The following HGD variants were observed in gnomAD, a reference collection of about 807,000 sequenced individuals.
The protein encoded by HGD is homogentisate oxidase.
In HGD, 61 loss-of-function variants were observed where a neutral mutation model predicts 60.8. The observed-to-expected ratio is 1.00, with a 90% CI of 0.82 to 1.24. The LOEUF (loss-of-function observed/expected upper bound fraction) is 1.24, where lower values mean the gene tolerates loss of function less well. HGD is among the 50% of genes most tolerant of loss of function. HGD has a pLI of 0.00. For missense variants in HGD, 542 were observed against 547.1 expected (o/e 0.99, Z 0.09); for synonymous variants, 212 against 187.7 (o/e 1.13, Z -1.06).
chr3:120,636,100 G>C (rs899295599), intron 12 of HGD, among the ~76,000 whole-genome samples: 1 of 133,528 alleles, frequency 7.5e-6, no homozygotes, highest in Non-Finnish European at 1.6e-5. Flanking sequence ...GCAAGACCCC[G>C]TCTGTACTAA....
chr3:120,633,820 A>C (rs1940669599), intron 12 of HGD, among the ~76,000 whole-genome samples: 1 of 152,198 alleles, frequency 6.6e-6, no homozygotes, highest in African/African-American at 2.4e-5. Context: ...TGGATGATAG[A>C]TGATAATGTA....
Position 120,638,466 on chromosome 3 carries a change from G to T in HGD, c.995C>A (p.Pro332His). Residue 332 changes from proline (P) to histidine (H), a missense_variant, in exon 12 of 14, where the codon CCT becomes CAT. Coordinates refer to ENST00000283871, the MANE Select transcript of HGD (RefSeq NM_000187.4). The stretch of plus-strand genomic sequence containing the variant: ...AAAGAGAGACTTACTATGGTAATAA[G>T]GAGGCCTGAAGGTCTTATCAGCAAC... ...WGVADKTFRP[P>H]YYHRNCMSEF... 6.2e-7 allele frequency: 1 copy of T among 1,613,928 alleles called. No individual in the cohort carries two copies. The highest frequency in any genetic ancestry group is 8.5e-7 in the Non-Finnish European group (1 of 1,179,908).
At position 120,659,035 on chromosome 3, in the gene HGD, A is replaced by G. The variant is rs370103618; in HGVS notation, c.283-6384T>C. 1.5e-3 allele frequency among the ~76,000 whole-genome samples: 230 copies of G among 152,302 alleles called. 1 individual carries two copies. Among genetic ancestry groups the G allele is most frequent in the African/African-American group, 5.5e-3 (227 of 41,582 alleles). On this transcript the variant is annotated intron_variant, in intron 4 of 13. Transcript: ENST00000283871. ...GGCCTGTGATGGGATGAACTGCCCCAAAGGTCTGTGAAATGCCTTTGAGGC... is the reference window on the plus strand; with the variant it reads ...GGCCTGTGATGGGATGAACTGCCCCGAAGGTCTGTGAAATGCCTTTGAGGC...
chr3:120,656,565 G>GC (rs964722153), intron 4 of HGD, among the ~76,000 whole-genome samples: 11 of 150,694 alleles, frequency 7.3e-5, no homozygotes, highest in Admixed American at 2.6e-4. Flanking sequence ...CTTTTTTTTG[G>GC]GGGGGGGTTG....
At chr3:120,671,047 A>G (rs1275426755) in intron 3 of HGD, among the ~76,000 whole-genome samples, 4 of 152,222 alleles carry the variant, frequency 2.6e-5, no homozygotes, top group African/African-American at 9.6e-5. Flanking sequence ...GGTAAAAATA[A>G]TTCAAGTAAT....
At chr3:120,629,978 C>A (rs1444753667) in intron 13 of HGD, among the ~76,000 whole-genome samples, 1 of 152,098 alleles carries the variant, frequency 6.6e-6, no homozygotes, top group Non-Finnish European at 1.5e-5. Flanking sequence ...TATACACCAA[C>A]AACAGTCAAG....
At chr3:120,672,280 C>T (rs755146919) in intron 3 of HGD, among the ~76,000 whole-genome samples, 30 of 152,120 alleles carry the variant, frequency 2.0e-4, no homozygotes, top group Non-Finnish European at 3.8e-4. Context: ...CTACCAGGAC[C>T]AGATCTCAGG....
At chr3:120,681,738 C>A (rs1708233808) in intron 1 of HGD, among the ~76,000 whole-genome samples, 1 of 152,122 alleles carries the variant, frequency 6.6e-6, no homozygotes, top group Non-Finnish European at 1.5e-5. Flanking sequence ...CGGAAGTGGT[C>A]CATGAGGCTG....
At chr3:120,646,415 G>T in intron 8 of HGD, 49 bp from the exon 9 acceptor site, 1 of 1,233,388 alleles carries the variant, frequency 8.1e-7, no homozygotes, top group Non-Finnish European at 1.2e-6. Flanking sequence ...CACAGCTGTA[G>T]TTATAAAGAA....
Position 120,673,746 on chromosome 3 carries a change from A to C in HGD, c.176+1155T>G, listed in dbSNP as rs1708071096. Among the ~76,000 whole-genome samples, 3 of 152,216 alleles carry C rather than the reference A, an allele frequency of 2.0e-5. No homozygotes were observed. The South Asian group carries it at 6.2e-4, about 32-fold the overall frequency. ...TCTGCTATGATGGCAATACTTAATG[A>C]TAGTTATCATGACAATAACTAGCAT... On this transcript the variant is annotated intron_variant, in intron 3 of 13. Transcript: ENST00000283871.
At chr3:120,644,270 C>T (rs1398799789) in intron 10 of HGD, 49 bp downstream of exon 10, 2 of 1,610,832 alleles carry the variant, frequency 1.2e-6, no homozygotes, top group Admixed American at 3.3e-5. Flanking sequence ...TCAGTAAGTG[C>T]TCAATCACTC....
At chr3:120,651,093 T>A (rs576072743) in intron 5 of HGD, among the ~76,000 whole-genome samples, 4 of 152,378 alleles carry the variant, frequency 2.6e-5, no homozygotes, top group Admixed American at 2.0e-4. Context: ...ATCTGGGTTG[T>A]CTTAGTGGCT....
Position 120,680,097 on chromosome 3 carries a change from T to C in HGD, c.15+2000A>G, listed in dbSNP as rs1474370737. 3.9e-5 allele frequency among the ~76,000 whole-genome samples: 6 copies of C among 152,206 alleles called. No homozygotes were observed. In the East Asian group the frequency reaches 1.2e-3, roughly 29 times the overall value. On this transcript the variant is annotated intron_variant, in intron 1 of 13. Transcript: ENST00000283871. ...TGAATATTAAGCAAGTTCTTCGTTT[T>C]AGAAATGAGGAAACCAAGGTTGGGA...
chr3:120,660,627 C>G (rs1350390524), intron 4 of HGD, among the ~76,000 whole-genome samples: 1 of 152,164 alleles, frequency 6.6e-6, no homozygotes, highest in Non-Finnish European at 1.5e-5. Flanking sequence ...GAGTTCGAGA[C>G]CAGCCTGGCC....
At chr3:120,632,626 G>A (rs1311832643) in intron 13 of HGD, among the ~76,000 whole-genome samples, 1 of 152,202 alleles carries the variant, frequency 6.6e-6, no homozygotes, top group African/African-American at 2.4e-5. Flanking sequence ...CGTGCTGAAG[G>A]TGAGATCCTG....
chr3:120,645,884 C>A (rs536928048), intron 9 of HGD, among the ~76,000 whole-genome samples: 1 of 152,292 alleles, frequency 6.6e-6, no homozygotes, highest in African/African-American at 2.4e-5. Context: ...GTTCCCTTTC[C>A]TCTTTACTCT....
At chr3:120,635,494 A>T (rs909319346) in intron 12 of HGD, among the ~76,000 whole-genome samples, 4 of 151,626 alleles carry the variant, frequency 2.6e-5, no homozygotes, top group Non-Finnish European at 5.9e-5. Flanking sequence ...AAAAAAAAAA[A>T]AAAAAGCTGA....
chr3:120,679,924 T>C (rs2107563950), intron 1 of HGD, among the ~76,000 whole-genome samples: 1 of 152,310 alleles, frequency 6.6e-6, no homozygotes, highest in East Asian at 1.9e-4. Flanking sequence ...CCAATAAATT[T>C]GTGGTAATTT....
At chr3:120,638,781 G>A (rs1473485880) in intron 11 of HGD, among the ~76,000 whole-genome samples, 200 bp from the exon 12 acceptor site, 1 of 152,116 alleles carries the variant, frequency 6.6e-6, no homozygotes, top group Non-Finnish European at 1.5e-5. Context: ...GAGGTTTGGG[G>A]TAGGGATCTG....
Sources: gnomAD v4.1 joint callset for allele counts (sites outside exome capture counted in the v4.1 genomes callset) on GRCh38, gnomAD v4.1.1 for gene constraint, MANE v1.5 for transcripts, NCBI Gene and HGNC (gene_info 2026-07-23, HGNC 2026-07-21) for gene names.